PRMT1: variants seen among roughly 807,000 people sequenced by gnomAD.
PRMT1 encodes the protein protein arginine methyltransferase 1.
In PRMT1, 5 loss-of-function variants were observed where a neutral mutation model predicts 47.4. The observed-to-expected ratio is 0.11, with a 90% CI of 0.06 to 0.22. The LOEUF is 0.22. Ranked by LOEUF, PRMT1 falls within the 10% of genes least tolerant of loss-of-function variation. PRMT1 has a pLI of 1.00. For missense variants in PRMT1, 249 were observed against 518.4 expected (o/e 0.48, Z 5.05); for synonymous variants, 227 against 204.6 (o/e 1.11, Z -0.94).
At chr19:49,687,999 C>A in intron 10 of PRMT1, 163 bp from the exon 11 acceptor site, 1 of 688,674 alleles carries the variant, frequency 1.5e-6, no homozygotes, top group East Asian at 2.7e-5. Flanking sequence ...TGTCCCTTGG[C>A]AGGGTCAGGG....
Position 49,682,257 on chromosome 19 carries a change from A to G in PRMT1, c.410A>G (p.His137Arg). Residue 137 changes from histidine (H) to arginine (R), a missense_variant and splice_region_variant, in exon 5 of 11, where the codon CAC becomes CGC. Physicochemically the swap from His to Arg is conservative, Grantham distance 29 (BLOSUM62 0). Coordinates refer to ENST00000454376, the MANE Select transcript of PRMT1 (RefSeq NM_001536.6). ...ATCGTCAAAGCCAACAAGTTAGACCACGGTGAGCCCAGAAAGAGGATGGGT... is the reference window on the plus strand; with the variant it reads ...ATCGTCAAAGCCAACAAGTTAGACCGCGGTGAGCCCAGAAAGAGGATGGGT... ...VKIVKANKLD[H>R]VVTIIKGKVE... 6.2e-7 allele frequency: 1 copy of G among 1,612,602 alleles called. No individual in the cohort carries two copies. Among genetic ancestry groups the G allele is most frequent in the South Asian group, 1.1e-5 (1 of 91,024 alleles).
chr19:49,688,005 C>G lies in PRMT1; in HGVS notation c.1033-157C>G. 1 of 710,496 alleles carries G rather than the reference C, an allele frequency of 1.4e-6. No homozygotes were observed. Among genetic ancestry groups the G allele is most frequent in the Admixed American group, 2.0e-5 (1 of 51,210 alleles). The allele number at this position is 710,496 out of a possible 1,614,324, so 44.0% of individuals were successfully genotyped here. ...ATGTGGTGCTGTCCCTTGGCAGGGT[C>G]AGGGCAGCTGCTAGGGTGGGACCAG... On this transcript the variant is annotated intron_variant, in intron 10 of 10. Transcript: ENST00000454376. This position sits in a 1 kb window ranked among gnomAD's most constrained non-coding sequence, Gnocchi z 5.3.
chr19:49,684,201 C>A lies in PRMT1; in HGVS notation c.555+132C>A. The A allele has an allele frequency of 7.7e-7, 1 of 1,298,296 alleles. No homozygotes were observed. The highest frequency in any genetic ancestry group is 1.1e-6 in the Non-Finnish European group (1 of 931,660). 80.4% of individuals were successfully genotyped at this position (1,298,296 alleles called of 1,614,324 possible). On this transcript the variant is annotated intron_variant, in intron 6 of 10. Coordinates refer to ENST00000454376, the MANE Select transcript of PRMT1 (RefSeq NM_001536.6). This position sits in a 1 kb window ranked among gnomAD's most constrained non-coding sequence, Gnocchi z 6.2. ...GCTGCAAGGTGTTAGAAAGCCACAG[C>A]CCAAGCCAGGTGTGACAGACCCTGG...
rs1204624373 is a variant in PRMT1, at chr19:49,682,472, A to G, written c.412+213A>G. On this transcript the variant is annotated intron_variant, in intron 5 of 10. Coordinates refer to ENST00000454376, the MANE Select transcript of PRMT1 (RefSeq NM_001536.6). ...AAAATTAGGGCAAGAAGCACTCTCT[A>G]GTTTCTTGAATGAGTAATAGAGTCA... Among the ~76,000 whole-genome samples the G allele has an allele frequency of 2.6e-5, 4 of 152,280 alleles. No individual in the cohort carries two copies. The East Asian group carries it at 5.8e-4, about 22-fold the overall frequency.
chr19:49,681,852 G>A lies in PRMT1; in HGVS notation c.193-58G>A. 1.9e-6 allele frequency: 3 copies of A among 1,569,354 alleles called. No homozygotes were observed. Among genetic ancestry groups the A allele is most frequent in the Non-Finnish European group, 2.6e-6 (3 of 1,152,332 alleles). On this transcript the variant is annotated intron_variant, in intron 3 of 10. Coordinates refer to ENST00000454376, the MANE Select transcript of PRMT1 (RefSeq NM_001536.6). The surrounding 1 kb of genome is among the most constrained non-coding windows in gnomAD (Gnocchi z 4.4). ...GCCCTCCGAGCTCTCAGGACACGCT[G>A]TTCTCCAGCTGGGGATATGGGGCCC... is the stretch of plus-strand genomic sequence containing the variant.
rs1459841088 is a variant in PRMT1, at chr19:49,681,646, G to A, written c.193-264G>A. The stretch of plus-strand genomic sequence containing the variant: ...TCAGCTACTTGGGAGGCTGAGGCAG[G>A]AGAATCACTTGAACCCAGGAGGCGG... On this transcript the variant is annotated intron_variant, in intron 3 of 10. Coordinates refer to ENST00000454376, the MANE Select transcript of PRMT1 (RefSeq NM_001536.6). The surrounding 1 kb of genome is among the most constrained non-coding windows in gnomAD (Gnocchi z 4.4). 6.6e-6 allele frequency among the ~76,000 whole-genome samples: 1 copy of A among 152,102 alleles called. No homozygotes were observed. The highest frequency in any genetic ancestry group is 1.5e-5 in the Non-Finnish European group (1 of 68,032).
intron 5 of PRMT1, 36 bp downstream of exon 5, chr19:49,682,295 AG>A (rs746049616): frequency 6.2e-7 from 1 of 1,603,038 alleles, no homozygotes; most frequent in Admixed American, 1.7e-5. Context: ...GTGGGAGTGG[AG>A]GGGGTGATGC....
chr19:49,684,890 C>T lies in PRMT1; in HGVS notation c.644-32C>T, dbSNP rs550697870. 27 of 1,606,810 alleles carry T rather than the reference C, an allele frequency of 1.7e-5. No individual in the cohort carries two copies. Among genetic ancestry groups the T allele is most frequent in the Non-Finnish European group, 2.2e-5 (26 of 1,175,196 alleles). ...GGGCGGGGCCTCGGGTGGGCTGCTGCGGGCTCACCCCCTCCCTGCCTGCCT... is the reference window on the plus strand; with the variant it reads ...GGGCGGGGCCTCGGGTGGGCTGCTGTGGGCTCACCCCCTCCCTGCCTGCCT... On this transcript the variant is annotated intron_variant, in intron 7 of 10. Coordinates refer to ENST00000454376, the MANE Select transcript of PRMT1 (RefSeq NM_001536.6). This position sits in a 1 kb window ranked among gnomAD's most constrained non-coding sequence, Gnocchi z 6.2.
At chr19:49,679,450 C>T in intron 1 of PRMT1, 1 of 470,470 alleles carries the variant, frequency 2.1e-6, no homozygotes, top group South Asian at 1.6e-5. Flanking sequence ...TCCTGCCAGC[C>T]CCGCTCCCTT....
rs1452364986 is a variant in PRMT1 at position 49,688,074 on chromosome 19, C to T, written c.1033-88C>T. The T allele has an allele frequency of 6.3e-5, 73 of 1,164,412 alleles. 2 individuals are homozygous for T. The highest frequency in any genetic ancestry group is 4.9e-4 in the East Asian group (21 of 42,766). 72.1% of individuals were successfully genotyped at this position (1,164,412 alleles called of 1,614,324 possible). A position where few individuals can be genotyped will look rare whatever the true frequency, so the allele number is the denominator to read the frequency against. ...TGGAGATGGGCAGGAAGCTGGAGCC[C>T]GGCTCATCGTCGCATAGCCTGCCTG... On this transcript the variant is annotated intron_variant, in intron 10 of 10. Coordinates refer to ENST00000454376, the MANE Select transcript of PRMT1 (RefSeq NM_001536.6). This position sits in a 1 kb window ranked among gnomAD's most constrained non-coding sequence, Gnocchi z 5.3.
intron 10 of PRMT1, among the ~76,000 whole-genome samples, chr19:49,687,436 T>C (rs1033461262): frequency 4.6e-5 from 7 of 151,998 alleles, no homozygotes; most frequent in Admixed American, 3.9e-4. Flanking sequence ...AGTCATGGAA[T>C]GTGGACCCTG....
rs773514633 is a variant in PRMT1, at chr19:49,683,931, G to A, written c.417G>A (p.Val139=). 6.2e-7 allele frequency: 1 copy of A among 1,613,398 alleles called. No individual in the cohort carries two copies. Among genetic ancestry groups the A allele is most frequent in the Admixed American group, 1.7e-5 (1 of 59,920 alleles). Residue 139 remains valine (V), a synonymous_variant, in exon 6 of 11, where the codon GTG becomes GTA. Transcript: ENST00000454376. ...GCCACCCTTGTCCGCCCGCAGTGGTGACCATCATCAAGGGGAAGGTGGAGG... is the reference window on the plus strand; with the variant it reads ...GCCACCCTTGTCCGCCCGCAGTGGTAACCATCATCAAGGGGAAGGTGGAGG... The part of the protein sequence containing the change: ...IVKANKLDHV[V]TIIKGKVEEV...
chr19:49,687,441 A>C (rs1217935186), intron 10 of PRMT1, among the ~76,000 whole-genome samples: 1 of 150,494 alleles, frequency 6.6e-6, no homozygotes, highest in Non-Finnish European at 1.5e-5. Context: ...TGGAATGTGG[A>C]CCCTGGGACA....
chr19:49,688,294 G>A lies in PRMT1; in HGVS notation c.*49G>A, dbSNP rs1157743837. 1 of 1,583,576 alleles carries A rather than the reference G, an allele frequency of 6.3e-7. No individual in the cohort carries two copies. The highest frequency in any genetic ancestry group is 8.7e-7 in the Non-Finnish European group (1 of 1,155,452). On this transcript the variant is annotated 3_prime_UTR_variant, in exon 11 of 11. Coordinates refer to ENST00000454376, the MANE Select transcript of PRMT1 (RefSeq NM_001536.6). The surrounding 1 kb of genome is among the most constrained non-coding windows in gnomAD (Gnocchi z 5.3). ...GAGCCCAGGGGCTGAGCGTTCCTAG[G>A]CGGTTTCGGGGCTCCCCCTTCCTCT...
In PRMT1 at chr19:49,680,070, C is replaced by T; in HGVS notation, c.90+145C>T. The T allele has an allele frequency of 9.0e-7, 1 of 1,106,002 alleles. No individual in the cohort carries two copies. The allele number at this position is 1,106,002 out of a possible 1,614,324, so 68.5% of individuals were successfully genotyped here. Reference sequence around the variant, plus strand: ...CAGGCCCCCAGACACTTAGTAGCAACCCCTCCAGGTTCACAGCCCCCGCTG... The same window carrying T: ...CAGGCCCCCAGACACTTAGTAGCAATCCCTCCAGGTTCACAGCCCCCGCTG... On this transcript the variant is annotated intron_variant, in intron 2 of 10. Coordinates refer to ENST00000454376, the MANE Select transcript of PRMT1 (RefSeq NM_001536.6). This position sits in a 1 kb window ranked among gnomAD's most constrained non-coding sequence, Gnocchi z 4.2.
At chr19:49,682,779 A>ATTTTT (rs58218406) in intron 5 of PRMT1, among the ~76,000 whole-genome samples, 27 of 70,984 alleles carry the variant, frequency 3.8e-4, no homozygotes, top group South Asian at 5.5e-4. Flanking sequence ...CATCCCCAGC[A>ATTTTT]TTTTTTTTTT....
rs1022258767 is a variant in PRMT1, at chr19:49,684,427, C to T, written c.556-327C>T. 1.3e-5 allele frequency among the ~76,000 whole-genome samples: 2 copies of T among 152,054 alleles called. No individual in the cohort carries two copies. The highest frequency in any genetic ancestry group is 2.4e-5 in the African/African-American group (1 of 41,378). ...AGGGAGGCCCGTGTGGAAGGAGGGT[C>T]TAGAACGGCAGCAGGAGGAGGAGTG... On this transcript the variant is annotated intron_variant, in intron 6 of 10. Transcript: ENST00000454376. The surrounding 1 kb of genome is among the most constrained non-coding windows in gnomAD (Gnocchi z 6.2).
At chr19:49,679,700 C>A in intron 1 of PRMT1, 172 bp from the exon 2 acceptor site, 6 of 620,056 alleles carry the variant, frequency 9.7e-6, no homozygotes, top group Non-Finnish European at 3.0e-6. Context: ...CCTCACTTTT[C>A]CCACCCTTTC....
Position 49,685,785 on chromosome 19 carries a change from A to G in PRMT1, c.760-308A>G, listed in dbSNP as rs1425179447. 2.5e-6 allele frequency: 3 copies of G among 1,177,110 alleles called. No individual in the cohort carries two copies. In the African/African-American group the frequency reaches 4.7e-5, roughly 19 times the overall value. The allele number at this position is 1,177,110 out of a possible 1,614,324, so 72.9% of individuals were successfully genotyped here. A position where few individuals can be genotyped will look rare whatever the true frequency, so the allele number is the denominator to read the frequency against. On this transcript the variant is annotated intron_variant, in intron 8 of 10. Transcript: ENST00000454376. This position sits in a 1 kb window ranked among gnomAD's most constrained non-coding sequence, Gnocchi z 4.7. ...AGCCATCATGTTGTTGGACTTGTCA[A>G]GGGGTTGGGGAGACAGTGGAGTGGG...
Sources: gnomAD v4.1 joint callset for allele counts (sites outside exome capture counted in the v4.1 genomes callset) on GRCh38, gnomAD v4.1.1 for gene constraint, Gnocchi (gnomAD v3.1) non-coding constraint, MANE v1.5 for transcripts, NCBI Gene and HGNC (gene_info 2026-07-23, HGNC 2026-07-21) for gene names.